The following FGF13 variants were observed in gnomAD, a reference collection of about 807,000 sequenced individuals.
FGF13 encodes fibroblast growth factor homologous factor 2.
Under a neutral mutation model 19.5 loss-of-function variants are expected in FGF13, and 2 were observed. The observed-to-expected ratio is 0.10, with a 90% CI of 0.04 to 0.32. The LOEUF (loss-of-function observed/expected upper bound fraction) is 0.32. Ranked by LOEUF, FGF13 falls within the 10% of genes least tolerant of loss-of-function variation. The pLI, the probability that FGF13 is intolerant of heterozygous loss-of-function variation, is 1.00. For missense variants in FGF13, 113 were observed against 192.7 expected (o/e 0.59, Z 2.45); for synonymous variants, 72 against 76.9 (o/e 0.94, Z 0.33).
intron 1 of FGF13, among the ~76,000 whole-genome samples, chrX:138,954,705 A>G (rs771669268): frequency 6.2e-4 from 69 of 111,829 alleles, no homozygotes; most frequent in Non-Finnish European, 1.1e-3. Flanking sequence ...CTGAGAGATC[A>G]GCTGGGGAAA....
intron 3 of FGF13, among the ~76,000 whole-genome samples, chrX:138,821,590 G>A (rs777331163): frequency 6.2e-5 from 7 of 112,048 alleles, no homozygotes; most frequent in African/African-American, 1.9e-4. Flanking sequence ...TTTTTATAAT[G>A]ATTAAATGTT....
intron 1 of FGF13, among the ~76,000 whole-genome samples, chrX:139,169,878 G>T (rs768809479): frequency 5.4e-5 from 6 of 111,578 alleles, no homozygotes. Context: ...GCAGCATGGA[G>T]GGCAAAGGCC....
chrX:138,934,775 C>G (rs1653239302), intron 1 of FGF13, among the ~76,000 whole-genome samples: 1 of 112,089 alleles, frequency 8.9e-6, no homozygotes, highest in Non-Finnish European at 1.9e-5. Context: ...ATGTACCCAG[C>G]ATTTTGACAT....
At chrX:139,148,942 C>A (rs772165305) in intron 1 of FGF13, among the ~76,000 whole-genome samples, 7 of 111,367 alleles carry the variant, frequency 6.3e-5, no homozygotes, top group Admixed American at 9.5e-5. Context: ...AGGTAGCAGG[C>A]CTGGAGTCCT....
chrX:138,833,541 G>C (rs1337784617), intron 3 of FGF13, among the ~76,000 whole-genome samples: 1 of 111,808 alleles, frequency 8.9e-6, no homozygotes, highest in African/African-American at 3.3e-5. Context: ...TTTCTTATCA[G>C]CTTAAAAAGC....
At chrX:139,069,877 G>A (rs1029792149) in intron 1 of FGF13, among the ~76,000 whole-genome samples, 2 of 112,078 alleles carry the variant, frequency 1.8e-5, no homozygotes, top group Admixed American at 1.9e-4. Context: ...ACAAGAAATG[G>A]GGAAAGGATT....
At chrX:138,978,947 C>T (rs1006419290) in intron 1 of FGF13, among the ~76,000 whole-genome samples, 1 of 111,999 alleles carries the variant, frequency 8.9e-6, no homozygotes, top group Non-Finnish European at 1.9e-5. Context: ...TGATAAGCAT[C>T]AAGAGATTTA....
At chrX:138,968,304 G>A (rs2091902733) in intron 1 of FGF13, among the ~76,000 whole-genome samples, 2 of 112,092 alleles carry the variant, frequency 1.8e-5, no homozygotes, top group Non-Finnish European at 3.8e-5. Context: ...GGAAATATAA[G>A]TTGCAAAATT....
chrX:138,647,255 T>C (rs2089317878), intron 3 of FGF13, among the ~76,000 whole-genome samples: 1 of 108,771 alleles, frequency 9.2e-6, no homozygotes. Flanking sequence ...TCCAGGACTC[T>C]TGAGAAGTTC....
At chrX:138,726,267 G>C (rs2090185143) in intron 1 of FGF13, among the ~76,000 whole-genome samples, 1 of 111,530 alleles carries the variant, frequency 9.0e-6, no homozygotes, top group African/African-American at 3.3e-5. Flanking sequence ...TTCCCCCTTA[G>C]TGCAGAAGAG....
intron 3 of FGF13, among the ~76,000 whole-genome samples, chrX:138,702,232 A>G (rs1231675732): frequency 8.9e-6 from 1 of 111,845 alleles, no homozygotes; most frequent in African/African-American, 3.2e-5. Flanking sequence ...AAAAATTCAT[A>G]TATCAAATAG....
chrX:138,782,730 C>A (rs1176158540), intron 3 of FGF13, among the ~76,000 whole-genome samples: 1 of 96,194 alleles, frequency 1.0e-5, no homozygotes, highest in Non-Finnish European at 2.1e-5. Context: ...TGAAAATGGC[C>A]ATACTGCCCA....
chrX:138,963,629 T>A (rs1603076163), intron 1 of FGF13, among the ~76,000 whole-genome samples: 1 of 112,345 alleles, frequency 8.9e-6, no homozygotes, highest in African/African-American at 3.2e-5. Flanking sequence ...TTTTCGGTTT[T>A]AGACAGTCTC....
At chrX:138,992,108 AT>A (rs35460293) in intron 1 of FGF13, among the ~76,000 whole-genome samples, 2 of 10,304 alleles carry the variant, frequency 1.9e-4, no homozygotes, top group African/African-American at 4.3e-4. Context: ...ATATATATAC[AT>A]GTGTGTGTGT....
intron 1 of FGF13, among the ~76,000 whole-genome samples, chrX:139,142,742 G>A (rs1248942795): frequency 8.9e-6 from 1 of 111,789 alleles, no homozygotes; most frequent in Non-Finnish European, 1.9e-5. Context: ...AATAACATAA[G>A]AAAAGAACAG....
chrX:138,622,667 GT>G lies in FGF13; in HGVS notation c.*10182del, dbSNP rs1376581378. On this transcript the variant is annotated 3_prime_UTR_variant, in exon 5 of 5. Transcript: ENST00000315930. Reference sequence around the variant, plus strand: ...CAGGACGGAAGAAGTAAAATGGTCTGTTTCAAATCACATGCTCTTCAATACA... The same window carrying G: ...CAGGACGGAAGAAGTAAAATGGTCTGTTCAAATCACATGCTCTTCAATACA... 8 of 112,139 alleles carry G rather than the reference GT, an allele frequency of 7.1e-5. No individual in the cohort carries two copies. The highest frequency in any genetic ancestry group is 2.6e-4 in the African/African-American group (8 of 30,920). The allele number at this position is 112,139 out of a possible 1,213,427, so 9.2% of individuals were successfully genotyped here.
At chrX:138,996,210 C>T (rs5974787) in intron 1 of FGF13, among the ~76,000 whole-genome samples, 2,083 of 112,393 alleles carry the variant, frequency 0.019, 47 homozygotes, top group African/African-American at 0.063. Context: ...AGAGGGCAAG[C>T]CGATGCAGGG....
At chrX:138,984,814 CTGTGTGTGTGTG>C (rs200719953) in intron 1 of FGF13, among the ~76,000 whole-genome samples, 1 of 90,851 alleles carries the variant, frequency 1.1e-5, no homozygotes. Flanking sequence ...TATGTCAGTT[CTGTGTGTGTGTG>C]TGTGTGTGTG....
intron 1 of FGF13, among the ~76,000 whole-genome samples, chrX:139,110,348 T>A (rs929259443): frequency 1.8e-5 from 2 of 110,356 alleles, no homozygotes; most frequent in Non-Finnish European, 3.8e-5. Context: ...ACTCCAATAA[T>A]TCCCACGTGT....
Sources: allele counts gnomAD v4.1 joint callset (sites outside exome capture counted in the v4.1 genomes callset), GRCh38; gene constraint gnomAD v4.1.1; transcripts MANE v1.5; gene names NCBI Gene and HGNC (gene_info 2026-07-23, HGNC 2026-07-21).